NCKAP5: variants seen among roughly 807,000 people sequenced by gnomAD.
The protein encoded by NCKAP5 is nck-associated protein 5.
A neutral mutation model predicts 167.0 loss-of-function variants in NCKAP5; 92 were observed. The ratio of observed to expected loss-of-function variants is 0.55; its 90% confidence interval spans 0.47 to 0.66. NCKAP5 has a LOEUF of 0.66. Among genes scored for constraint, NCKAP5 ranks in the 30% least tolerant of loss-of-function variants. The probability of loss-of-function intolerance (pLI) is 0.00; values close to 1 mark genes in which losing one functional copy is unlikely to be tolerated. For missense variants in NCKAP5, 2,378 were observed against 2,315.0 expected (o/e 1.03, Z -0.56); for synonymous variants, 891 against 877.4 (o/e 1.02, Z -0.27).
the NCKAP5 span, among the ~76,000 whole-genome samples, chr2:133,638,511 C>T: frequency 6.6e-6 from 1 of 152,140 alleles, no homozygotes; most frequent in Non-Finnish European, 1.5e-5. Context: ...AGGCTTAACA[C>T]TTATAGATGG....
chr2:132,780,994 A>T, intron 15 of NCKAP5, 58 bp downstream of exon 15: 1 of 1,539,554 alleles, frequency 6.5e-7, no homozygotes, highest in Non-Finnish European at 8.8e-7. Flanking sequence ...CGGTAGAAAG[A>T]CCCCAGCCAG....
chr2:132,722,969 C>T (rs1401129627), intron 19 of NCKAP5, among the ~76,000 whole-genome samples: 1 of 151,832 alleles, frequency 6.6e-6, no homozygotes, highest in Non-Finnish European at 1.5e-5. Flanking sequence ...GTATGTGCCA[C>T]CACATCCACT....
intron 2 of NCKAP5, among the ~76,000 whole-genome samples, chr2:133,549,975 G>A (rs1303029364): frequency 4.7e-5 from 7 of 149,448 alleles, no homozygotes; most frequent in African/African-American, 7.4e-5. Flanking sequence ...ACACCTCTAC[G>A]CAAATAAACT....
chr2:132,761,931 G>A (rs11884795), intron 16 of NCKAP5, among the ~76,000 whole-genome samples: 39,392 of 152,050 alleles, frequency 0.26, 5,301 homozygotes, highest in East Asian at 0.3. Flanking sequence ...TCCTGGCCAA[G>A]CATCTACAAA....
chr2:133,571,757 C>T (rs1688874845), upstream of NCKAP5, among the ~76,000 whole-genome samples: 1 of 152,116 alleles, frequency 6.6e-6, no homozygotes, highest in Non-Finnish European at 1.5e-5. Flanking sequence ...CCTACAAGGA[C>T]CATGATCACA....
At chr2:133,454,414 T>G (rs1691724770) in intron 3 of NCKAP5, among the ~76,000 whole-genome samples, 1 of 152,084 alleles carries the variant, frequency 6.6e-6, no homozygotes, top group Non-Finnish European at 1.5e-5. Context: ...GCTTTAACAG[T>G]GCTCTAAGTG....
At chr2:133,275,914 G>C (rs142290822) in intron 4 of NCKAP5, among the ~76,000 whole-genome samples, 8 of 151,740 alleles carry the variant, frequency 5.3e-5, no homozygotes, top group Admixed American at 1.3e-4. Context: ...AGTATGAGCT[G>C]TGCAGATCTA....
intron 6 of NCKAP5, among the ~76,000 whole-genome samples, chr2:133,129,007 T>A (rs2082500463): frequency 1.3e-5 from 2 of 151,530 alleles, no homozygotes; most frequent in Admixed American, 6.6e-5. Flanking sequence ...GAGGAAGAGT[T>A]TATTGAATCA....
At chr2:133,468,981 C>T (rs1488731886) in intron 3 of NCKAP5, among the ~76,000 whole-genome samples, 1 of 152,058 alleles carries the variant, frequency 6.6e-6, no homozygotes, top group African/African-American at 2.4e-5. Context: ...CAGTCTGTGT[C>T]TTTTAATTGG....
intron 4 of NCKAP5, among the ~76,000 whole-genome samples, chr2:133,271,384 T>C (rs1191347324): frequency 1.3e-5 from 2 of 152,156 alleles, no homozygotes; most frequent in Non-Finnish European, 2.9e-5. Context: ...GGAAAAGCTG[T>C]ATTAGACAAG....
chr2:133,469,855 G>C (rs1378507729), intron 3 of NCKAP5, among the ~76,000 whole-genome samples: 5 of 151,000 alleles, frequency 3.3e-5, no homozygotes, highest in Admixed American at 2.6e-4. Context: ...TTGGTTTTCA[G>C]CTCCATCAGC....
chr2:132,863,116 G>A (rs191285332), intron 10 of NCKAP5, among the ~76,000 whole-genome samples: 4 of 152,212 alleles, frequency 2.6e-5, no homozygotes, highest in East Asian at 1.9e-4. Flanking sequence ...CACCATGCCC[G>A]GCAAAACTTG....
chr2:133,453,918 C>T (rs2151206246), intron 3 of NCKAP5, among the ~76,000 whole-genome samples: 1 of 152,132 alleles, frequency 6.6e-6, no homozygotes, highest in East Asian at 1.9e-4. Context: ...CCCCCCACCA[C>T]CGCTGAATCA....
intron 3 of NCKAP5, among the ~76,000 whole-genome samples, chr2:133,373,829 T>C (rs755667288): frequency 6.6e-6 from 1 of 152,212 alleles, no homozygotes; most frequent in African/African-American, 2.4e-5. Flanking sequence ...GGAGAAAAGA[T>C]AGTCTTTCCA....
At chr2:133,513,129 T>C (rs1014058517) in intron 3 of NCKAP5, among the ~76,000 whole-genome samples, 1 of 152,172 alleles carries the variant, frequency 6.6e-6, no homozygotes, top group Non-Finnish European at 1.5e-5. Context: ...GTTTACTGAA[T>C]TGTGGACAGA....
At chr2:133,571,359 G>C (rs1688860367), upstream of NCKAP5, among the ~76,000 whole-genome samples, 3 of 152,050 alleles carry the variant, frequency 2.0e-5, no homozygotes, top group South Asian at 6.2e-4. Context: ...AAACAAAAGA[G>C]GGTGGGGGTA....
the NCKAP5 span, among the ~76,000 whole-genome samples, chr2:133,653,309 A>G: frequency 6.6e-6 from 1 of 152,220 alleles, no homozygotes; most frequent in Non-Finnish European, 1.5e-5. Context: ...ATTAAACAAC[A>G]TATTGCCAAG....
intron 11 of NCKAP5, among the ~76,000 whole-genome samples, chr2:132,798,316 G>A (rs374477502): frequency 1.3e-5 from 2 of 152,140 alleles, no homozygotes; most frequent in East Asian, 1.9e-4. Context: ...GCCCATTAGT[G>A]CTTGTTGTAG....
At chr2:133,201,678 C>T (rs1422946795) in intron 5 of NCKAP5, among the ~76,000 whole-genome samples, 3 of 152,096 alleles carry the variant, frequency 2.0e-5, no homozygotes, top group African/African-American at 4.8e-5. Flanking sequence ...TGAAGACATG[C>T]ATTTCACCAC....
Sources: gnomAD v4.1 joint callset for allele counts (sites outside exome capture counted in the v4.1 genomes callset) on GRCh38, gnomAD v4.1.1 for gene constraint, MANE v1.5 for transcripts, NCBI Gene and HGNC (gene_info 2026-07-23, HGNC 2026-07-21) for gene names.